Variants in MIB2 observed in about 807,000 individuals in gnomAD.
The protein encoded by MIB2 is E3 ubiquitin-protein ligase MIB2.
MIB2 carries 78 observed loss-of-function variants against 96.6 expected under a neutral mutation model. That is an observed-to-expected ratio of 0.81 (90% confidence interval 0.67 to 0.97). The LOEUF (loss-of-function observed/expected upper bound fraction) is 0.97, where lower values mean the gene tolerates loss of function less well. Ranked by LOEUF, MIB2 falls within the 50% of genes least tolerant of loss-of-function variation. MIB2 has a pLI of 0.00. For missense variants in MIB2, 1,543 were observed against 1,424.0 expected (o/e 1.08, Z -1.35); for synonymous variants, 820 against 629.5 (o/e 1.30, Z -4.53).
chr1:1,615,281 G>A, upstream of MIB2: 2 of 1,288,266 alleles, frequency 1.6e-6, no homozygotes, highest in Non-Finnish European at 2.0e-6. Flanking sequence ...GCGCGACGTC[G>A]CTCCCAAGCC....
Position 1,629,370 on chromosome 1 carries a change from C to T in MIB2, c.2382-15C>T, listed in dbSNP as rs537464650. On this transcript the variant is annotated splice_polypyrimidine_tract_variant and intron_variant, in intron 17 of 19. Coordinates refer to ENST00000355826, the MANE Select transcript of MIB2 (RefSeq NM_001170687.4). Reference sequence around the variant, plus strand: ...GGCCTCCGGGCCCCTCTCAAGCCGCCTCCTCCCCCTGCAGGGAGCGGCAGG... The same window carrying T: ...GGCCTCCGGGCCCCTCTCAAGCCGCTTCCTCCCCCTGCAGGGAGCGGCAGG... The T allele has an allele frequency of 1.5e-5, 21 of 1,438,370 alleles. No homozygotes were observed. Among genetic ancestry groups the T allele is most frequent in the East Asian group, 8.4e-5 (3 of 35,812 alleles). 89.1% of individuals were successfully genotyped at this position (1,438,370 alleles called of 1,614,324 possible).
At chr1:1,623,091 T>C (rs1644407875) in intron 2 of MIB2, 1 of 445,350 alleles carries the variant, frequency 2.2e-6, no homozygotes, top group Admixed American at 4.2e-5. Flanking sequence ...GTCCAGCTCA[T>C]TAATTGGCTG....
At chr1:1,624,177 T>A in intron 4 of MIB2, 1 of 573,676 alleles carries the variant, frequency 1.7e-6, no homozygotes, top group East Asian at 2.9e-5. Flanking sequence ...CAGGGCGGCA[T>A]GAGACCTCCA....
chr1:1,629,679 G>A lies in MIB2; in HGVS notation c.2604G>A (p.Val868=). 1.3e-6 allele frequency: 2 copies of A among 1,599,954 alleles called. No homozygotes were observed. The highest frequency in any genetic ancestry group is 2.2e-5 in the South Asian group (2 of 89,348). The change falls in exon 19 of 20, where the codon GTG becomes GTA. Residue 868 remains valine, a synonymous_variant. Transcript: ENST00000355826. ...TGAAGAAGTGCATCAGGTGCCAGGT[G>A]GTCGTCAGCAAGAAACTGCGCCCAG... The part of the protein sequence containing the change: ...RRMKKCIRCQ[V]VVSKKLRPDG...
At position 1,628,530 on chromosome 1, in the gene MIB2, C is replaced by G; in HGVS notation, c.2010C>G (p.Ser670=). The stretch of plus-strand genomic sequence containing the variant: ...ACGTGCGCAACCGGAAGCTGCAGTC[C>G]CCGCTGCATCTCGCCGTGCAACAGG... The part of the protein sequence containing the change: ...DVNVRNRKLQ[S]PLHLAVQQAH... The change falls in exon 16 of 20, where the codon TCC becomes TCG. Residue 670 remains serine (S), a synonymous_variant. Coordinates refer to ENST00000355826, the MANE Select transcript of MIB2 (RefSeq NM_001170687.4). 1 of 1,601,096 alleles carries G rather than the reference C, an allele frequency of 6.2e-7. No homozygotes were observed. The highest frequency in any genetic ancestry group is 8.5e-7 in the Non-Finnish European group (1 of 1,178,660).
chr1:1,616,802 A>G (rs758047647), intron 2 of MIB2, 188 bp downstream of exon 2: 35 of 542,544 alleles, frequency 6.5e-5, no homozygotes, highest in Non-Finnish European at 1.0e-4. Context: ...GAGGTGCCAG[A>G]CAGGCCTCTG....
upstream of MIB2, chr1:1,615,455 T>C (rs1013212568): frequency 2.6e-6 from 4 of 1,513,568 alleles, no homozygotes; most frequent in Non-Finnish European, 3.5e-6. Flanking sequence ...GGCGGGGGCG[T>C]GGCCATGGCG....
intron 14 of MIB2, 33 bp from the exon 15 acceptor site, chr1:1,628,240 C>G: frequency 6.2e-7 from 1 of 1,612,642 alleles, no homozygotes. Flanking sequence ...TGGGGGCAGT[C>G]CCAGGTCCCA....
rs2100517055 is a variant in MIB2, at chr1:1,626,908, G to A, written c.1149G>A (p.Gln383=). 1 of 1,608,806 alleles carries A rather than the reference G, an allele frequency of 6.2e-7. No individual in the cohort carries two copies. The highest frequency in any genetic ancestry group is 8.5e-7 in the Non-Finnish European group (1 of 1,179,566). ...DGNLRVAVAG[Q]RWTFSPSCLV... is the part of the protein sequence containing the mutation. ...ACCTGCGTGTAGCAGTCGCTGGTCA[G>A]CGGTGGACCTTCAGCCCCTCCTGCC... is the stretch of plus-strand genomic sequence containing the variant. Residue 383 remains glutamine, a synonymous_variant, in exon 10 of 20, where the codon CAG becomes CAA. Coordinates refer to ENST00000355826, the MANE Select transcript of MIB2 (RefSeq NM_001170687.4). The surrounding 1 kb of genome is among the most constrained non-coding windows in gnomAD (Gnocchi z 5.3).
intron 19 of MIB2, 136 bp from the exon 20 acceptor site, chr1:1,630,156 C>CA: frequency 4.5e-6 from 2 of 445,364 alleles, no homozygotes; most frequent in South Asian, 2.4e-5. Flanking sequence ...CCAAATCACC[C>CA]ACCCCGCCAG....
intron 13 of MIB2, 63 bp from the exon 14 acceptor site, chr1:1,627,956 G>C: frequency 6.2e-7 from 1 of 1,606,900 alleles, no homozygotes; most frequent in Non-Finnish European, 8.5e-7. Context: ...TGCTCCCTGG[G>C]TGCCCTGGCT....
At position 1,630,223 on chromosome 1, in the gene MIB2, C is replaced by A. The variant is rs1220903692; in HGVS notation, c.2630-69C>A. The A allele has an allele frequency of 6.4e-5, 24 of 374,378 alleles. No homozygotes were observed. The African/African-American group carries it at 8.1e-4, about 13-fold the overall frequency. 23.2% of individuals were successfully genotyped at this position (374,378 alleles called of 1,614,324 possible). ...GACACCCCGCCCCCAGCCTCGCCCC[C>A]CCGCAGCTCCCTGCTCCCCGCATTC... is the stretch of plus-strand genomic sequence containing the variant. On this transcript the variant is annotated intron_variant, in intron 19 of 19. Coordinates refer to ENST00000355826, the MANE Select transcript of MIB2 (RefSeq NM_001170687.4).
chr1:1,614,002 CT>C (rs1356831927), upstream of MIB2: 1 of 152,026 alleles, frequency 6.6e-6, no homozygotes, highest in Admixed American at 6.6e-5. Context: ...GAAAAAAAGG[CT>C]GGCCATGGGT....
rs1221780954 is a variant in MIB2, at chr1:1,626,001, G to C, written c.972+348G>C. The C allele has an allele frequency of 3.2e-6, 1 of 312,390 alleles. No homozygotes were observed. Among genetic ancestry groups the C allele is most frequent in the East Asian group, 6.4e-5 (1 of 15,594 alleles). The allele number at this position is 312,390 out of a possible 1,614,324, so 19.4% of individuals were successfully genotyped here. On this transcript the variant is annotated intron_variant, in intron 8 of 19. Coordinates refer to ENST00000355826, the MANE Select transcript of MIB2 (RefSeq NM_001170687.4). The surrounding 1 kb of genome is among the most constrained non-coding windows in gnomAD (Gnocchi z 5.3). ...GTGCTGTATGGGGGCCGATGGGGGT[G>C]GCTGGTTAGGACAGGGAGGTGGATG...
Position 1,629,538 on chromosome 1 carries a change from G to T in MIB2, c.2535G>T (p.Ser845=). 6.5e-7 allele frequency: 1 copy of T among 1,546,824 alleles called. No individual in the cohort carries two copies. Residue 845 remains serine (S), a synonymous_variant, in exon 18 of 20, where the codon TCG becomes TCT. Transcript: ENST00000355826. The part of the protein sequence containing the change: ...CSELALLVLF[S]PCQHRTVCEE... ...AGCTGGCGCTGCTGGTGCTGTTCTC[G>T]CCGTGCCAGCACCGCACCGTGTGTG...
chr1:1,628,792 G>A (rs1645069507), intron 16 of MIB2, 70 bp downstream of exon 16: 2 of 1,289,066 alleles, frequency 1.6e-6, no homozygotes, highest in Non-Finnish European at 2.1e-6. Flanking sequence ...GGCAGGGCCT[G>A]TGCCACTGTC....
chr1:1,615,316 G>C (rs1643484301), upstream of MIB2: 1 of 1,379,502 alleles, frequency 7.2e-7, no homozygotes, highest in East Asian at 3.0e-5. Flanking sequence ...AACCGAGTGC[G>C]TCTCTAGGAC....
intron 1 of MIB2, chr1:1,615,929 T>A: frequency 1.0e-6 from 1 of 991,352 alleles, no homozygotes; most frequent in Non-Finnish European, 1.2e-6. Flanking sequence ...CCGGGCCGGG[T>A]GGGCTGCGGC....
chr1:1,616,070 C>G (rs1290363572), intron 1 of MIB2: 4 of 984,178 alleles, frequency 4.1e-6, no homozygotes, highest in Non-Finnish European at 4.8e-6. Flanking sequence ...GCGGGCGGGA[C>G]GGAAACGTCC....
Sources: allele counts gnomAD v4.1 joint callset, GRCh38; gene constraint gnomAD v4.1.1; non-coding constraint Gnocchi (gnomAD v3.1); transcripts MANE v1.5; gene names NCBI Gene and HGNC (gene_info 2026-07-23, HGNC 2026-07-21).